ZNF618: variants seen among roughly 807,000 people sequenced by gnomAD.
The protein encoded by ZNF618 is neural precursor cell expressed, developmentally down-regulated 10.
In ZNF618, 34 loss-of-function variants were observed where a neutral mutation model predicts 103.0. The observed-to-expected ratio is 0.33, with a 90% CI of 0.25 to 0.44. The LOEUF is 0.44. Among genes scored for constraint, ZNF618 ranks in the 20% least tolerant of loss-of-function variants. ZNF618 has a pLI of 1.00. For synonymous variants in ZNF618, 551 were observed against 542.2 expected (o/e 1.02, Z -0.23); for missense variants, 1,059 against 1,295.4 (o/e 0.82, Z 2.80).
chr9:114,051,935 G>C lies in ZNF618; in HGVS notation c.*1768G>C, dbSNP rs114844844. 1 of 152,292 alleles carries C rather than the reference G, an allele frequency of 6.6e-6. No individual in the cohort carries two copies. The highest frequency in any genetic ancestry group is 1.5e-5 in the Non-Finnish European group (1 of 68,040). 9.4% of individuals were successfully genotyped at this position (152,292 alleles called of 1,614,324 possible). A position where few individuals can be genotyped will look rare whatever the true frequency, so the allele number is the denominator to read the frequency against. On this transcript the variant is annotated 3_prime_UTR_variant, in exon 15 of 15. Coordinates refer to ENST00000374126, the MANE Select transcript of ZNF618 (RefSeq NM_001318042.2). ...CTCACTCCCCTGGTGACCCTTAGCC[G>C]TGGGATGGGGTGGTTACACTAAGGC...
At chr9:114,002,595 C>T (rs756300425) in intron 5 of ZNF618, 29 bp from the exon 6 acceptor site, 1 of 1,592,790 alleles carries the variant, frequency 6.3e-7, no homozygotes, top group Non-Finnish European at 8.5e-7. Flanking sequence ...GGTAGCCCCA[C>T]CCCCATCCCT....
chr9:113,992,939 C>A (rs149061894), intron 3 of ZNF618, among the ~76,000 whole-genome samples: 132 of 152,228 alleles, frequency 8.7e-4, no homozygotes, highest in African/African-American at 3.1e-3. Context: ...TCTCTCACTC[C>A]GAGAAAGAAA....
At chr9:114,000,328 G>A (rs1180423570) in intron 4 of ZNF618, among the ~76,000 whole-genome samples, 1 of 152,192 alleles carries the variant, frequency 6.6e-6, no homozygotes, top group Non-Finnish European at 1.5e-5. Context: ...ACAAGTGAAA[G>A]GTTGTGTCCG....
At chr9:113,966,492 A>C (rs1487541317) in intron 1 of ZNF618, among the ~76,000 whole-genome samples, 1 of 152,210 alleles carries the variant, frequency 6.6e-6, no homozygotes, top group African/African-American at 2.4e-5. Flanking sequence ...TGGCAATGTC[A>C]GAGGTTCAGC....
intron 1 of ZNF618, among the ~76,000 whole-genome samples, chr9:113,919,575 TAGTC>T (rs1162202293): frequency 6.6e-6 from 1 of 152,200 alleles, no homozygotes; most frequent in Non-Finnish European, 1.5e-5. Context: ...AGCCTTTTCA[TAGTC>T]AGGAGAGGCC....
At chr9:113,926,644 C>T (rs1054334727) in intron 1 of ZNF618, among the ~76,000 whole-genome samples, 3 of 152,128 alleles carry the variant, frequency 2.0e-5, no homozygotes, top group African/African-American at 7.2e-5. Flanking sequence ...TTCCATCTCT[C>T]TGCTTATATT....
chr9:114,000,306 A>C (rs1048819731), intron 4 of ZNF618, among the ~76,000 whole-genome samples: 1 of 152,174 alleles, frequency 6.6e-6, no homozygotes, highest in Non-Finnish European at 1.5e-5. Context: ...AGGTGGGGAA[A>C]CAGAGGCTCG....
intron 2 of ZNF618, among the ~76,000 whole-genome samples, chr9:113,975,275 T>C (rs886324031): frequency 2.6e-5 from 4 of 152,172 alleles, no homozygotes; most frequent in African/African-American, 9.7e-5. Context: ...TCAGAGGGAA[T>C]TGAGGAATAG....
Position 114,055,117 on chromosome 9 carries a change from C to T in ZNF618, c.*4950C>T, listed in dbSNP as rs1846387342. On this transcript the variant is annotated 3_prime_UTR_variant, in exon 15 of 15. Coordinates refer to ENST00000374126, the MANE Select transcript of ZNF618 (RefSeq NM_001318042.2). ...CCAAAATTCCTTAAAGGGGCACAGC[C>T]CAGCCTTGTCCGCAACCTCAGGGGC... 1 of 152,248 alleles carries T rather than the reference C, an allele frequency of 6.6e-6. No individual in the cohort carries two copies. Among genetic ancestry groups the T allele is most frequent in the African/African-American group, 2.4e-5 (1 of 41,438 alleles). 9.4% of individuals were successfully genotyped at this position (152,248 alleles called of 1,614,324 possible). A position where few individuals can be genotyped will look rare whatever the true frequency, so the allele number is the denominator to read the frequency against.
chr9:113,900,909 G>A, intron 1 of ZNF618, among the ~76,000 whole-genome samples: 1 of 66,496 alleles, frequency 1.5e-5, no homozygotes, highest in Middle Eastern at 0.01. Context: ...GTCCTCTCGC[G>A]CTAACCCGAC....
intron 2 of ZNF618, among the ~76,000 whole-genome samples, chr9:113,977,468 C>G (rs182193460): frequency 1.3e-5 from 2 of 152,202 alleles, no homozygotes; most frequent in East Asian, 1.9e-4. Flanking sequence ...GGTTGAGCTC[C>G]CTGACTTCTG....
intron 1 of ZNF618, among the ~76,000 whole-genome samples, chr9:113,899,793 G>T (rs551044055): frequency 7.2e-5 from 11 of 152,192 alleles, no homozygotes; most frequent in Admixed American, 2.0e-4. Flanking sequence ...CTGTGTTGTA[G>T]CACATGGCAG....
intron 10 of ZNF618, among the ~76,000 whole-genome samples, chr9:114,017,038 G>A (rs1406711143): frequency 2.0e-5 from 3 of 152,174 alleles, no homozygotes; most frequent in African/African-American, 7.2e-5. Context: ...GTGCCCACAT[G>A]ATTGGGGTGA....
At chr9:114,025,134 A>G (rs976706001) in intron 10 of ZNF618, among the ~76,000 whole-genome samples, 1 of 152,230 alleles carries the variant, frequency 6.6e-6, no homozygotes, top group Admixed American at 6.5e-5. Flanking sequence ...CATGGCCAGA[A>G]GTGTGAGTTC....
At chr9:114,011,415 A>G (rs1842229245) in intron 9 of ZNF618, among the ~76,000 whole-genome samples, 1 of 152,188 alleles carries the variant, frequency 6.6e-6, no homozygotes, top group South Asian at 2.1e-4. Context: ...AATTAATCAA[A>G]TTATTAGGAG....
Position 114,007,353 on chromosome 9 carries a change from A to C in ZNF618, c.554A>C (p.Asn185Thr). The C allele has an allele frequency of 6.2e-7, 1 of 1,613,530 alleles. No individual in the cohort carries two copies. ...TGTGTGTTTTCATCCCATGCAGACA[A>C]TTTCAGGTACACATGTGATATCTGC... ...TSGEGASQSN[N>T]FRYTCDICGK... Residue 185 changes from asparagine (N) to threonine (T), a missense_variant, in exon 7 of 15, where the codon AAT (asparagine) becomes ACT (threonine). Physicochemically the swap from Asn to Thr is moderately conservative, Grantham distance 65 (BLOSUM62 0). Around this residue, in one of 6 missense-constraint regions of ZNF618, gnomAD observed 434 missense variants for 476.0 expected, o/e 0.91. Coordinates refer to ENST00000374126, the MANE Select transcript of ZNF618 (RefSeq NM_001318042.2).
At chr9:113,878,041 TA>T (rs60746824) in intron 1 of ZNF618, among the ~76,000 whole-genome samples, 3,709 of 152,046 alleles carry the variant, frequency 0.024, 160 homozygotes, top group African/African-American at 0.085. Context: ...ATTTATTACT[TA>T]AAAAAAATTT....
At chr9:113,918,600 A>G (rs770102784) in intron 1 of ZNF618, among the ~76,000 whole-genome samples, 11 of 152,062 alleles carry the variant, frequency 7.2e-5, no homozygotes, top group Non-Finnish European at 1.6e-4. Context: ...TATTTAGATC[A>G]ATTTAGACTG....
rs186362337 is a variant in ZNF618 at position 114,034,936 on chromosome 9, C to T, written c.1169-1364C>T. Among the ~76,000 whole-genome samples the T allele has an allele frequency of 2.7e-4, 41 of 152,272 alleles. 1 individual carries two copies. The East Asian group carries it at 6.8e-3, about 25-fold the overall frequency. ...CACTCTTTCAGAGTGTAGGGTGTCC[C>T]GGAGGGATGGCAGTGACTTGTCTTG... On this transcript the variant is annotated intron_variant, in intron 12 of 14. Transcript: ENST00000374126.
Sources: gnomAD v4.1 joint callset for allele counts (sites outside exome capture counted in the v4.1 genomes callset) on GRCh38, gnomAD v4.1.1 for gene constraint, gnomAD v4.1.1 regional missense constraint, MANE v1.5 for transcripts, NCBI Gene and HGNC (gene_info 2026-07-23, HGNC 2026-07-21) for gene names.